Variants in MGAT4C observed in about 807,000 individuals in gnomAD.
The protein encoded by MGAT4C is alpha-1,3-mannosyl-glycoprotein 4-beta-N-acetylglucosaminyltransferase C.
In MGAT4C, 19 loss-of-function variants were observed where a neutral mutation model predicts 40.1. The observed-to-expected ratio is 0.47, with a 90% confidence interval of 0.33 to 0.70. The LOEUF (loss-of-function observed/expected upper bound fraction) is 0.70. Among genes scored for constraint, MGAT4C ranks in the 30% least tolerant of loss-of-function variants. The pLI, the probability that MGAT4C is intolerant of heterozygous loss-of-function variation, is 0.02. For missense variants in MGAT4C, 491 were observed against 563.2 expected (o/e 0.87, Z 1.30); for synonymous variants, 181 against 187.1 (o/e 0.97, Z 0.27).
At chr12:86,068,659 C>T (rs1894793855) in intron 1 of MGAT4C, among the ~76,000 whole-genome samples, 1 of 151,314 alleles carries the variant, frequency 6.6e-6, no homozygotes, top group Non-Finnish European at 1.5e-5. Flanking sequence ...CTATTCTTTC[C>T]TCTGTTTGCT....
chr12:86,073,101 A>C (rs1208413906), intron 1 of MGAT4C, among the ~76,000 whole-genome samples: 1 of 152,174 alleles, frequency 6.6e-6, no homozygotes, highest in African/African-American at 2.4e-5. Context: ...CAATTGAATC[A>C]TGGGGGTGGT....
At chr12:86,269,444 T>C (rs1952886946) in intron 4 of MGAT4C, among the ~76,000 whole-genome samples, 1 of 151,984 alleles carries the variant, frequency 6.6e-6, no homozygotes, top group Non-Finnish European at 1.5e-5. Flanking sequence ...TCAAGAAAAT[T>C]CCAATTTAAC....
intron 2 of MGAT4C, among the ~76,000 whole-genome samples, chr12:86,622,632 A>G (rs1962675715): frequency 6.6e-6 from 1 of 152,196 alleles, no homozygotes; most frequent in African/African-American, 2.4e-5. Flanking sequence ...AAGACTCACA[A>G]TAATAAAAGT....
chr12:86,691,383 T>A (rs1950170824), intron 2 of MGAT4C, among the ~76,000 whole-genome samples: 1 of 152,136 alleles, frequency 6.6e-6, no homozygotes, highest in Admixed American at 6.6e-5. Context: ...CAGGTGATAT[T>A]TTGAGATGTA....
At chr12:86,404,147 C>T (rs1202020975) in intron 3 of MGAT4C, among the ~76,000 whole-genome samples, 1 of 152,116 alleles carries the variant, frequency 6.6e-6, no homozygotes, top group African/African-American at 2.4e-5. Flanking sequence ...TGCACCACTG[C>T]ACTCCAGCCT....
At chr12:86,693,397 G>A (rs948248540) in intron 2 of MGAT4C, among the ~76,000 whole-genome samples, 4 of 152,118 alleles carry the variant, frequency 2.6e-5, no homozygotes, top group African/African-American at 9.7e-5. Context: ...ACAAATGAGG[G>A]TGGAAAATTG....
intron 1 of MGAT4C, among the ~76,000 whole-genome samples, chr12:86,802,028 A>C (rs76687701): frequency 0.12 from 18,710 of 151,884 alleles, 1,281 homozygotes; most frequent in Non-Finnish European, 0.15. Context: ...GTCAGCCACT[A>C]TTAGGAACTT....
chr12:86,532,429 A>G (rs1352954810), intron 2 of MGAT4C, among the ~76,000 whole-genome samples: 1 of 152,080 alleles, frequency 6.6e-6, no homozygotes, highest in Non-Finnish European at 1.5e-5. Flanking sequence ...TTTTCTTAAT[A>G]TAGAATAGAA....
At chr12:86,145,096 T>C (rs546923524) in intron 1 of MGAT4C, among the ~76,000 whole-genome samples, 1 of 152,296 alleles carries the variant, frequency 6.6e-6, no homozygotes, top group East Asian at 1.9e-4. Context: ...TGTCAGGGTA[T>C]ACAACTTTTA....
At chr12:86,314,620 A>G (rs1365270548) in intron 4 of MGAT4C, among the ~76,000 whole-genome samples, 1 of 152,378 alleles carries the variant, frequency 6.6e-6, no homozygotes, top group Middle Eastern at 3.4e-3. Context: ...TCAATGTACA[A>G]TAATCAGTGG....
intron 4 of MGAT4C, among the ~76,000 whole-genome samples, chr12:86,333,162 G>T (rs1954710290): frequency 6.6e-6 from 1 of 152,128 alleles, no homozygotes; most frequent in South Asian, 2.1e-4. Flanking sequence ...TCACTTATCT[G>T]CAGCCAGGCA....
intron 2 of MGAT4C, among the ~76,000 whole-genome samples, chr12:86,045,203 C>T (rs1401023418): frequency 6.6e-6 from 1 of 152,144 alleles, no homozygotes; most frequent in East Asian, 1.9e-4. Flanking sequence ...GGTCAGGCAT[C>T]TTACTGAGAC....
At chr12:86,052,443 TAAAC>T (rs1249269260) in intron 1 of MGAT4C, among the ~76,000 whole-genome samples, 14 of 151,998 alleles carry the variant, frequency 9.2e-5, no homozygotes, top group Non-Finnish European at 1.2e-4. Flanking sequence ...AATTTTGAGA[TAAAC>T]AAATTATTTC....
intron 2 of MGAT4C, among the ~76,000 whole-genome samples, chr12:86,604,495 T>A (rs1349613216): frequency 6.6e-6 from 1 of 152,108 alleles, no homozygotes; most frequent in Non-Finnish European, 1.5e-5. Flanking sequence ...ACCTTATGGC[T>A]GTTTTCAGGC....
At chr12:86,451,001 A>C (rs892816250) in intron 2 of MGAT4C, among the ~76,000 whole-genome samples, 12 of 152,222 alleles carry the variant, frequency 7.9e-5, no homozygotes, top group Admixed American at 7.9e-4. Context: ...TGAGTCAGCT[A>C]TATCAGTCTT....
At chr12:86,242,637 G>A (rs1351360699) in intron 1 of MGAT4C, among the ~76,000 whole-genome samples, 1 of 152,040 alleles carries the variant, frequency 6.6e-6, no homozygotes, top group Non-Finnish European at 1.5e-5. Flanking sequence ...AAGTACTTTA[G>A]AGTAGAAAAA....
At chr12:86,154,098 G>T (rs966075213) in intron 1 of MGAT4C, among the ~76,000 whole-genome samples, 1 of 152,144 alleles carries the variant, frequency 6.6e-6, no homozygotes, top group Non-Finnish European at 1.5e-5. Context: ...GAACTTGCTT[G>T]GTATTGAGTA....
At chr12:86,538,279 T>G (rs1037364810) in intron 2 of MGAT4C, among the ~76,000 whole-genome samples, 8 of 152,258 alleles carry the variant, frequency 5.3e-5, no homozygotes, top group Non-Finnish European at 1.2e-4. Context: ...AGGAATTAGA[T>G]ATTCAACAGG....
chr12:86,200,171 G>T (rs1290746600), intron 1 of MGAT4C, among the ~76,000 whole-genome samples: 6 of 86,508 alleles, frequency 6.9e-5, no homozygotes, highest in African/African-American at 1.6e-4. Context: ...TTTTTTTTTG[G>T]TCTGGCTTTT....
Sources: allele counts gnomAD v4.1 joint callset (sites outside exome capture counted in the v4.1 genomes callset), GRCh38; gene constraint gnomAD v4.1.1; transcripts MANE v1.5; gene names NCBI Gene and HGNC (gene_info 2026-07-23, HGNC 2026-07-21).